The following CCSER1 variants were observed in gnomAD, a reference collection of about 807,000 sequenced individuals.
CCSER1 encodes serine-rich coiled-coil domain-containing protein 1.
Under a neutral mutation model 82.0 loss-of-function variants are expected in CCSER1, and 41 were observed. That is an observed-to-expected ratio of 0.50 (90% CI 0.39 to 0.65). The LOEUF is 0.65. Among genes scored for constraint, CCSER1 ranks in the 30% least tolerant of loss-of-function variants. CCSER1 has a pLI of 0.00. For synonymous variants in CCSER1, 414 were observed against 383.9 expected, an observed-to-expected ratio of 1.08 and a Z score of -0.92; for missense variants, 1,119 against 1,064.2, an observed-to-expected ratio of 1.05 and a Z score of -0.72.
intron 10 of CCSER1, among the ~76,000 whole-genome samples, chr4:91,132,359 T>C (rs1728070642): frequency 6.6e-6 from 1 of 152,066 alleles, no homozygotes; most frequent in Non-Finnish European, 1.5e-5. Context: ...CAGAGGGCAT[T>C]AACGTAAACA....
chr4:90,427,675 C>T (rs1333023946), intron 4 of CCSER1, among the ~76,000 whole-genome samples: 1 of 151,526 alleles, frequency 6.6e-6, no homozygotes, highest in Non-Finnish European at 1.5e-5. Context: ...TTCTTTAGCA[C>T]CTCTATGATC....
chr4:90,539,013 C>CA (rs1214035128), intron 5 of CCSER1, among the ~76,000 whole-genome samples: 1 of 151,934 alleles, frequency 6.6e-6, no homozygotes, highest in Non-Finnish European at 1.5e-5. Flanking sequence ...CTGCAAGTGA[C>CA]AAAATCCATG....
chr4:90,292,499 T>G (rs1279682648), intron 1 of CCSER1, among the ~76,000 whole-genome samples: 1 of 151,948 alleles, frequency 6.6e-6, no homozygotes, highest in African/African-American at 2.4e-5. Flanking sequence ...ATGTGATCAT[T>G]ATATGTTGAG....
intron 6 of CCSER1, among the ~76,000 whole-genome samples, chr4:90,695,257 C>T (rs1579977216): frequency 6.6e-6 from 1 of 151,688 alleles, no homozygotes; most frequent in Non-Finnish European, 1.5e-5. Context: ...AAAGATCTGG[C>T]ATAAATGATA....
intron 10 of CCSER1, among the ~76,000 whole-genome samples, chr4:91,478,529 T>C (rs1030733211): frequency 6.6e-6 from 1 of 151,942 alleles, no homozygotes; most frequent in African/African-American, 2.4e-5. Context: ...TCTCAGAGAT[T>C]CTGCATTCAG....
At chr4:91,532,898 A>C (rs1372122541) in intron 10 of CCSER1, among the ~76,000 whole-genome samples, 1 of 151,940 alleles carries the variant, frequency 6.6e-6, no homozygotes, top group African/African-American at 2.4e-5. Flanking sequence ...TATGCTTTCC[A>C]AGAGGATTAA....
At chr4:90,462,035 A>T (rs1055599680) in intron 4 of CCSER1, among the ~76,000 whole-genome samples, 2 of 151,350 alleles carry the variant, frequency 1.3e-5, no homozygotes, top group East Asian at 3.9e-4. Context: ...AATGGCTTGT[A>T]TCTTATCTGC....
At chr4:90,929,690 A>G (rs1729489598) in intron 9 of CCSER1, among the ~76,000 whole-genome samples, 2 of 152,206 alleles carry the variant, frequency 1.3e-5, no homozygotes. Context: ...GAAAGTTCTT[A>G]TAATTATAAA....
rs960192796 is a variant in CCSER1, at chr4:91,378,258, T to G, written c.2218-220314T>G. ...GCTCTTTTGTGGTTCCATATGAACT[T>G]TAAAGTAGATTTTTCCAATTCTGTG... is the stretch of plus-strand genomic sequence containing the variant. On this transcript the variant is annotated intron_variant, in intron 10 of 10. Coordinates refer to ENST00000509176, the MANE Select transcript of CCSER1 (RefSeq NM_001145065.2). Among the ~76,000 whole-genome samples the G allele has an allele frequency of 5.3e-5, 8 of 152,174 alleles. No individual in the cohort carries two copies. The South Asian group carries it at 1.0e-3, about 20-fold the overall frequency.
chr4:91,331,483 A>G (rs1238860876), intron 10 of CCSER1, among the ~76,000 whole-genome samples: 3 of 152,098 alleles, frequency 2.0e-5, no homozygotes, highest in African/African-American at 7.2e-5. Context: ...CTGCTCTGCC[A>G]CAGTGACGTT....
chr4:91,153,868 G>C (rs1730520435), intron 10 of CCSER1, among the ~76,000 whole-genome samples: 2 of 151,864 alleles, frequency 1.3e-5, no homozygotes. Flanking sequence ...GCTTCCTCTG[G>C]AAGCTTTGTC....
intron 4 of CCSER1, among the ~76,000 whole-genome samples, chr4:90,452,836 A>T (rs761720111): frequency 1.3e-5 from 2 of 152,278 alleles, no homozygotes; most frequent in Non-Finnish European, 2.9e-5. Context: ...GCAAGGAAAG[A>T]AGGACATGGG....
intron 9 of CCSER1, among the ~76,000 whole-genome samples, chr4:90,951,532 A>G (rs112008057): frequency 1.8e-4 from 28 of 152,106 alleles, no homozygotes; most frequent in Non-Finnish European, 3.2e-4. Flanking sequence ...ATACATTTCC[A>G]TAAATTCTAC....
chr4:90,692,746 T>C (rs1736230516), intron 6 of CCSER1, among the ~76,000 whole-genome samples: 1 of 151,944 alleles, frequency 6.6e-6, no homozygotes, highest in Non-Finnish European at 1.5e-5. Flanking sequence ...TAGACTTTAA[T>C]ACGTCAACCA....
intron 6 of CCSER1, among the ~76,000 whole-genome samples, chr4:90,650,074 G>A (rs1231383451): frequency 1.3e-5 from 2 of 151,996 alleles, no homozygotes; most frequent in Admixed American, 6.6e-5. Flanking sequence ...AAAATTAGCC[G>A]GGCATGGTGG....
At chr4:90,386,344 G>A (rs1418506466) in intron 3 of CCSER1, among the ~76,000 whole-genome samples, 1 of 152,038 alleles carries the variant, frequency 6.6e-6, no homozygotes, top group Non-Finnish European at 1.5e-5. Context: ...CAGAAATAAA[G>A]CCAATATCTA....
At chr4:91,512,311 T>C (rs1343071744) in intron 10 of CCSER1, among the ~76,000 whole-genome samples, 1 of 152,164 alleles carries the variant, frequency 6.6e-6, no homozygotes, top group Admixed American at 6.5e-5. Context: ...TGGAAGGACT[T>C]GATTTGCTGA....
intron 3 of CCSER1, among the ~76,000 whole-genome samples, chr4:90,348,579 CT>C (rs1479007938): frequency 6.6e-6 from 1 of 152,012 alleles, no homozygotes; most frequent in Non-Finnish European, 1.5e-5. Context: ...TATCAGTGGA[CT>C]TTTCATCTCA....
rs1286928097 is a variant in CCSER1 at position 91,508,410 on chromosome 4, A to T, written c.2218-90162A>T. ...ATTAATATGGTATTACATGAATGGA[A>T]TTTTGTATTTTAGAAAATTTTTACA... On this transcript the variant is annotated intron_variant, in intron 10 of 10. Coordinates refer to ENST00000509176, the MANE Select transcript of CCSER1 (RefSeq NM_001145065.2). Among the ~76,000 whole-genome samples, 14 of 151,886 alleles carry T rather than the reference A, an allele frequency of 9.2e-5. No individual in the cohort carries two copies. In the East Asian group the frequency reaches 2.7e-3, roughly 29 times the overall value.
Sources: gnomAD v4.1 joint callset for allele counts (sites outside exome capture counted in the v4.1 genomes callset) on GRCh38, gnomAD v4.1.1 for gene constraint, MANE v1.5 for transcripts, NCBI Gene and HGNC (gene_info 2026-07-23, HGNC 2026-07-21) for gene names.